Variants in MON2 observed in about 807,000 individuals in gnomAD.
MON2 encodes protein MON2 homolog.
A neutral mutation model predicts 208.6 loss-of-function variants in MON2; 84 were observed. The ratio of observed to expected loss-of-function variants is 0.40; its 90% CI spans 0.34 to 0.48. MON2 has a LOEUF of 0.48. Among genes scored for constraint, MON2 ranks in the 20% least tolerant of loss-of-function variants. MON2 has a pLI of 0.59. For synonymous variants in MON2, 660 were observed against 694.0 expected (o/e 0.95, Z 0.77); for missense variants, 1,611 against 2,015.4 (o/e 0.80, Z 3.84).
At chr12:62,541,815 T>C (rs1385662915) in intron 19 of MON2, among the ~76,000 whole-genome samples, 1 of 152,192 alleles carries the variant, frequency 6.6e-6, no homozygotes, top group Admixed American at 6.5e-5. Context: ...TACCTATACA[T>C]ATTCTTTTAC....
intron 1 of MON2, among the ~76,000 whole-genome samples, chr12:62,476,622 A>G (rs1298614904): frequency 6.6e-6 from 1 of 151,970 alleles, no homozygotes; most frequent in Non-Finnish European, 1.5e-5. Context: ...TTTTTAGTAG[A>G]GACGGGGTTT....
chr12:62,496,455 CT>C (rs1218849088), intron 4 of MON2, among the ~76,000 whole-genome samples: 1 of 152,080 alleles, frequency 6.6e-6, no homozygotes, highest in African/African-American at 2.4e-5. Context: ...TAACTATGTA[CT>C]GTGTCTTTCC....
intron 7 of MON2, among the ~76,000 whole-genome samples, chr12:62,506,557 C>T (rs1398593954): frequency 1.3e-5 from 2 of 152,034 alleles, no homozygotes; most frequent in African/African-American, 4.8e-5. Flanking sequence ...GAAACCCCGT[C>T]TCTACTAAAA....
In MON2 at chr12:62,588,151, A is replaced by G. The variant is rs1418454958; in HGVS notation, c.4985A>G (p.Glu1662Gly). ...GATTCACTTAAGAAAACTCAGCCTG[A>G]GAATGGTAAGTGCTTAGAAACAGTT... ...LIDSLKKTQP[E>G]NVDGNTWAQV... The change falls in exon 34 of 35, where the codon GAG (glutamate) becomes GGG (glycine). Residue 1662 changes from glutamate to glycine, a missense_variant. Transcript: ENST00000393630. 6.4e-7 allele frequency: 1 copy of G among 1,560,670 alleles called. No individual in the cohort carries two copies. Among genetic ancestry groups the G allele is most frequent in the Non-Finnish European group, 8.8e-7 (1 of 1,136,824 alleles).
intron 11 of MON2, among the ~76,000 whole-genome samples, chr12:62,526,909 T>C (rs1196016432): frequency 6.6e-6 from 1 of 152,090 alleles, no homozygotes; most frequent in Non-Finnish European, 1.5e-5. Flanking sequence ...GGCAGATCAC[T>C]TGAGGTCAGG....
chr12:62,551,466 C>T lies in MON2; in HGVS notation c.2917-1415C>T, dbSNP rs566910831. Among the ~76,000 whole-genome samples, 12 of 152,184 alleles carry T rather than the reference C, an allele frequency of 7.9e-5. No individual in the cohort carries two copies. The South Asian group carries it at 2.1e-3, about 26-fold the overall frequency. On this transcript the variant is annotated intron_variant, in intron 23 of 34. Transcript: ENST00000393630. Reference sequence around the variant, plus strand: ...CGGCTCATGCACCCCAAAATAGTTGCAATAGTCACATCAAAGATCACGGAT... The same window carrying T: ...CGGCTCATGCACCCCAAAATAGTTGTAATAGTCACATCAAAGATCACGGAT...
intron 21 of MON2, among the ~76,000 whole-genome samples, chr12:62,546,477 G>A (rs1321108329): frequency 6.6e-6 from 1 of 152,004 alleles, no homozygotes; most frequent in East Asian, 1.9e-4. Flanking sequence ...ATTCCAAACG[G>A]GCATGGTGGC....
In MON2 at chr12:62,585,115, C is replaced by CA. The variant is rs1230561626; in HGVS notation, c.4700-170dup. On this transcript the variant is annotated intron_variant, in intron 32 of 34. Coordinates refer to ENST00000393630, the MANE Select transcript of MON2 (RefSeq NM_015026.3). ...CACACACACACACACACACACAAAA[C>CA]AAAAAAAAACAAAAAAAAAACACAT... Among the ~76,000 whole-genome samples the CA allele has an allele frequency of 1.5e-3, 65 of 43,362 alleles. 1 individual carries two copies. Among genetic ancestry groups the CA allele is most frequent in the East Asian group, 5.2e-3 (9 of 1,742 alleles). 28.4% of individuals were successfully genotyped at this position (43,362 alleles called of 152,430 possible). A position where few individuals can be genotyped will look rare whatever the true frequency, so the allele number is the denominator to read the frequency against.
At chr12:62,498,772 C>CCTCAGATT (rs2070679077) in intron 4 of MON2, 147 bp from the exon 5 acceptor site, 1 of 776,082 alleles carries the variant, frequency 1.3e-6, no homozygotes, top group Admixed American at 3.7e-5. Flanking sequence ...ACTTGGATTA[C>CCTCAGATT]ATCAAAATCT....
chr12:62,496,022 G>T (rs2070463377), intron 4 of MON2, among the ~76,000 whole-genome samples: 1 of 152,018 alleles, frequency 6.6e-6, no homozygotes, highest in Non-Finnish European at 1.5e-5. Flanking sequence ...ATGAATTATA[G>T]TCTAAGGAAT....
intron 8 of MON2, among the ~76,000 whole-genome samples, chr12:62,514,621 T>C (rs2071593768): frequency 6.6e-6 from 1 of 152,152 alleles, no homozygotes; most frequent in Non-Finnish European, 1.5e-5. Flanking sequence ...TACCTCCCAC[T>C]GGGTCCCTCC....
At chr12:62,576,466 T>C (rs968418728) in intron 30 of MON2, among the ~76,000 whole-genome samples, 8 of 152,084 alleles carry the variant, frequency 5.3e-5, no homozygotes, top group Non-Finnish European at 8.8e-5. Flanking sequence ...AATTTTATAA[T>C]ATATAGATTA....
At chr12:62,587,237 G>C (rs539153289) in intron 33 of MON2, among the ~76,000 whole-genome samples, 26 of 152,192 alleles carry the variant, frequency 1.7e-4, no homozygotes, top group African/African-American at 6.3e-4. Context: ...AATGTTTCTT[G>C]TTTGTATTAT....
At chr12:62,518,376 G>A (rs1370859072) in intron 8 of MON2, among the ~76,000 whole-genome samples, 3 of 152,144 alleles carry the variant, frequency 2.0e-5, no homozygotes, top group African/African-American at 7.2e-5. Context: ...GAGTTTTATA[G>A]CTGAGAAAAT....
chr12:62,479,375 A>G (rs1004838012), intron 1 of MON2, among the ~76,000 whole-genome samples: 27 of 151,882 alleles, frequency 1.8e-4, no homozygotes, highest in Admixed American at 1.3e-4. Context: ...TACAGTGTAA[A>G]TGCTATGTAA....
In MON2 at chr12:62,535,673, T is replaced by C; in HGVS notation, c.1864T>C (p.Leu622=). The part of the protein sequence containing the change: ...SLPPHYALTV[L]NTTTAATLSN... ...GCCTCCCCATTATGCTCTTACTGTA[T>C]TGAATACCACCACTGCAGCTACACT... Residue 622 remains leucine (L), a synonymous_variant, in exon 14 of 35, where the codon TTG becomes CTG. Coordinates refer to ENST00000393630, the MANE Select transcript of MON2 (RefSeq NM_015026.3). 6.2e-7 allele frequency: 1 copy of C among 1,612,672 alleles called. No individual in the cohort carries two copies. Among genetic ancestry groups the C allele is most frequent in the Non-Finnish European group, 8.5e-7 (1 of 1,179,498 alleles).
At chr12:62,537,407 A>G in intron 15 of MON2, 144 bp downstream of exon 15, 1 of 689,694 alleles carries the variant, frequency 1.4e-6, no homozygotes, top group Non-Finnish European at 2.4e-6. Flanking sequence ...AAACTAGTTT[A>G]TGCAGTTGAC....
In MON2 at chr12:62,599,621, C is replaced by G. The variant is rs1268431974; in HGVS notation, c.*6872C>G. ...TTGCAAAGAAGTTATTTTCATTTTACAGAAGAGTCAAGGATTAGGGGGTTG... is the reference window on the plus strand; with the variant it reads ...TTGCAAAGAAGTTATTTTCATTTTAGAGAAGAGTCAAGGATTAGGGGGTTG... On this transcript the variant is annotated 3_prime_UTR_variant, in exon 35 of 35. Coordinates refer to ENST00000393630, the MANE Select transcript of MON2 (RefSeq NM_015026.3). 2.0e-5 allele frequency: 3 copies of G among 152,120 alleles called. No homozygotes were observed. The highest frequency in any genetic ancestry group is 1.3e-4 in the Admixed American group (2 of 15,264). The allele number at this position is 152,120 out of a possible 1,614,324, so 9.4% of individuals were successfully genotyped here. A position where few individuals can be genotyped will look rare whatever the true frequency, so the allele number is the denominator to read the frequency against.
At chr12:62,563,479 T>G (rs940519511) in intron 26 of MON2, among the ~76,000 whole-genome samples, 1 of 152,166 alleles carries the variant, frequency 6.6e-6, no homozygotes, top group African/African-American at 2.4e-5. Flanking sequence ...ATAGACAGCT[T>G]TCAAGGACTA....
Sources: gnomAD v4.1 joint callset for allele counts (sites outside exome capture counted in the v4.1 genomes callset) on GRCh38, gnomAD v4.1.1 for gene constraint, MANE v1.5 for transcripts, NCBI Gene and HGNC (gene_info 2026-07-23, HGNC 2026-07-21) for gene names.